The following ATG16L1 variants were observed in gnomAD, a reference collection of about 807,000 sequenced individuals.
ATG16L1 encodes autophagy-related protein 16-1.
A neutral mutation model predicts 88.5 loss-of-function variants in ATG16L1; 37 were observed. That is an observed-to-expected ratio of 0.42 (90% CI 0.32 to 0.55). The LOEUF is 0.55. ATG16L1 is among the 20% of genes least tolerant of loss of function. The pLI, the probability that ATG16L1 is intolerant of heterozygous loss-of-function variation, is 0.13. For synonymous variants in ATG16L1, 301 were observed against 281.0 expected (o/e 1.07, Z -0.71); for missense variants, 554 against 752.8 (o/e 0.74, Z 3.09).
intron 11 of ATG16L1, 66 bp from the exon 12 acceptor site, chr2:233,282,616 A>T: frequency 7.3e-7 from 1 of 1,377,336 alleles, no homozygotes; most frequent in Non-Finnish European, 1.0e-6. Flanking sequence ...TGGGGAATTT[A>T]TATCGTGTGA....
intron 10 of ATG16L1, among the ~76,000 whole-genome samples, chr2:233,280,467 G>A (rs1480692319): frequency 6.6e-6 from 1 of 152,198 alleles, no homozygotes; most frequent in African/African-American, 2.4e-5. Flanking sequence ...AGGGAGAGCT[G>A]TGTAGAGGGA....
At chr2:233,262,243 C>G (rs964204939) in intron 2 of ATG16L1, among the ~76,000 whole-genome samples, 1 of 152,214 alleles carries the variant, frequency 6.6e-6, no homozygotes, top group Non-Finnish European at 1.5e-5. Flanking sequence ...TCTCACCTCA[C>G]TGCTCCCACC....
chr2:233,266,842 A>C (rs1697631669), intron 5 of ATG16L1, among the ~76,000 whole-genome samples: 2 of 152,340 alleles, frequency 1.3e-5, no homozygotes, highest in East Asian at 3.9e-4. Context: ...CTTGGATGGA[A>C]CTGGAGGACA....
intron 6 of ATG16L1, among the ~76,000 whole-genome samples, chr2:233,270,698 G>A (rs1697936931): frequency 6.6e-6 from 1 of 152,172 alleles, no homozygotes; most frequent in African/African-American, 2.4e-5. Context: ...AAACTTAAGC[G>A]AAAACTAAGA....
intron 14 of ATG16L1, among the ~76,000 whole-genome samples, chr2:233,291,127 T>C (rs1699436691): frequency 6.6e-6 from 1 of 151,866 alleles, no homozygotes; most frequent in African/African-American, 2.4e-5. Flanking sequence ...GAAGACAGGA[T>C]GGAGAGTAAA....
At chr2:233,266,447 A>C (rs1325083856) in intron 5 of ATG16L1, among the ~76,000 whole-genome samples, 2 of 152,226 alleles carry the variant, frequency 1.3e-5, no homozygotes, top group Non-Finnish European at 2.9e-5. Flanking sequence ...TGACAGAGCG[A>C]GACCCCATCC....
intron 2 of ATG16L1, among the ~76,000 whole-genome samples, chr2:233,258,187 G>A (rs1696952323): frequency 6.6e-6 from 1 of 152,056 alleles, no homozygotes; most frequent in African/African-American, 2.4e-5. Flanking sequence ...AATATTCATT[G>A]TGTTTGCATG....
At chr2:233,292,702 C>T (rs1310985430) in intron 16 of ATG16L1, among the ~76,000 whole-genome samples, 2 of 152,226 alleles carry the variant, frequency 1.3e-5, no homozygotes, top group Non-Finnish European at 2.9e-5. Flanking sequence ...GTTCACTTCT[C>T]ATCACTCATT....
chr2:233,266,910 T>TG (rs1697638923), intron 5 of ATG16L1, among the ~76,000 whole-genome samples: 1 of 152,158 alleles, frequency 6.6e-6, no homozygotes, highest in Non-Finnish European at 1.5e-5. Flanking sequence ...CTTCTACATG[T>TG]GGGGCTAAAA....
At chr2:233,292,960 T>C (rs938869988) in intron 16 of ATG16L1, among the ~76,000 whole-genome samples, 5 of 152,358 alleles carry the variant, frequency 3.3e-5, no homozygotes, top group Middle Eastern at 3.4e-3. Flanking sequence ...CCCTTAGCTA[T>C]GTGGAGGTTG....
chr2:233,279,934 T>C lies in ATG16L1; in HGVS notation c.1061-1171T>C, dbSNP rs3792107. 5.4e-4 allele frequency among the ~76,000 whole-genome samples: 82 copies of C among 152,360 alleles called. No homozygotes were observed. The East Asian group carries it at 0.016, about 29-fold the overall frequency. ...AAGCATAAGCCAAAGAGATATTTCT[T>C]AGAATTTGCAGTAATATTTTTATCT... is the stretch of plus-strand genomic sequence containing the variant. On this transcript the variant is annotated intron_variant, in intron 10 of 17. Transcript: ENST00000392017.
chr2:233,274,027 T>C, intron 8 of ATG16L1: 1 of 1,550,802 alleles, frequency 6.4e-7, no homozygotes, highest in Non-Finnish European at 8.7e-7. Context: ...ATCATTCTTC[T>C]TCTGATGCTG....
At chr2:233,273,856 A>G (rs1574870916) in intron 8 of ATG16L1, 79 bp downstream of exon 8, 1 of 1,538,364 alleles carries the variant, frequency 6.5e-7, no homozygotes, top group East Asian at 2.3e-5. Context: ...TTATTCTTTA[A>G]ATGTACACCA....
intron 10 of ATG16L1, among the ~76,000 whole-genome samples, chr2:233,278,151 A>G (rs1302850420): frequency 6.6e-6 from 1 of 152,204 alleles, no homozygotes; most frequent in African/African-American, 2.4e-5. Context: ...GAGGCGTACT[A>G]CCTAGAAAAG....
chr2:233,277,729 C>T (rs566165158), intron 10 of ATG16L1, 56 bp downstream of exon 10: 24 of 1,483,584 alleles, frequency 1.6e-5, no homozygotes, highest in Non-Finnish European at 2.3e-5. Context: ...CACCCTTGCA[C>T]TGCAGAAAGA....
At chr2:233,269,853 C>A in intron 5 of ATG16L1, 149 bp from the exon 6 acceptor site, 1 of 667,654 alleles carries the variant, frequency 1.5e-6, no homozygotes, top group South Asian at 3.3e-5. Flanking sequence ...TGAGTTTGGG[C>A]TTGTGACTTT....
At chr2:233,291,591 C>T (rs1464466044) in intron 14 of ATG16L1, among the ~76,000 whole-genome samples, 1 of 152,116 alleles carries the variant, frequency 6.6e-6, no homozygotes, top group Non-Finnish European at 1.5e-5. Flanking sequence ...TGTTAGCCAC[C>T]CTGGACATGG....
At chr2:233,276,145 A>C in intron 9 of ATG16L1, 1 of 361,238 alleles carries the variant, frequency 2.8e-6, no homozygotes, top group Non-Finnish European at 5.5e-6. Flanking sequence ...CCTGTTGCCC[A>C]GCCTGTTAAT....
intron 11 of ATG16L1, 81 bp from the exon 12 acceptor site, chr2:233,282,598 TTGA>T: frequency 8.0e-7 from 1 of 1,242,920 alleles, no homozygotes; most frequent in Non-Finnish European, 1.2e-6. Flanking sequence ...CTTCTTGTAC[TTGA>T]TTATTGGGGA....
Sources: allele counts gnomAD v4.1 joint callset (sites outside exome capture counted in the v4.1 genomes callset), GRCh38; gene constraint gnomAD v4.1.1; transcripts MANE v1.5; gene names NCBI Gene and HGNC (gene_info 2026-07-23, HGNC 2026-07-21).